The following NUP205 variants were observed in gnomAD, a reference collection of about 807,000 sequenced individuals.
NUP205 encodes the protein nuclear pore complex protein Nup205.
Under a neutral mutation model 253.8 loss-of-function variants are expected in NUP205, and 76 were observed. That is an observed-to-expected ratio of 0.30 (90% confidence interval 0.25 to 0.36). The LOEUF is 0.36. Among genes scored for constraint, NUP205 ranks in the 10% least tolerant of loss-of-function variants. The pLI is 1.00. For missense variants in NUP205, 2,162 were observed against 2,425.5 expected (o/e 0.89, Z 2.28); for synonymous variants, 832 against 850.1 (o/e 0.98, Z 0.37).
In NUP205 at chr7:135,622,867, G is replaced by A; in HGVS notation, c.4421G>A (p.Gly1474Asp). 6.2e-7 allele frequency: 1 copy of A among 1,614,130 alleles called. No homozygotes were observed. The highest frequency in any genetic ancestry group is 1.1e-5 in the South Asian group (1 of 91,076). ...AACATAGCCATTATTGAAAGTTATG[G>A]CGCCGCCCTCATGGAAGTGGTCTGT... Reference protein sequence around the residue: ...RENIAIIESYGAALMEVVCRD... With the variant: ...RENIAIIESYDAALMEVVCRD... The change falls in exon 31 of 43, where the codon GGC (glycine) becomes GAC (aspartate). Residue 1474 changes from glycine (G) to aspartate (D), a missense_variant. Physicochemically the swap from Gly to Asp is moderately conservative, Grantham distance 94. Around this residue, in one of 5 missense-constraint regions of NUP205, gnomAD observed 1,144 missense variants for 1,280.9 expected, o/e 0.89. Coordinates refer to ENST00000285968, the MANE Select transcript of NUP205 (RefSeq NM_015135.3).
chr7:135,618,860 T>G (rs536198461), intron 28 of NUP205, among the ~76,000 whole-genome samples: 20 of 152,268 alleles, frequency 1.3e-4, no homozygotes, highest in African/African-American at 3.6e-4. Context: ...CTGAATGTAG[T>G]GGTGAGACCA....
At chr7:135,629,529 C>CTCT (rs1794664991) in intron 34 of NUP205, among the ~76,000 whole-genome samples, 1 of 127,520 alleles carries the variant, frequency 7.8e-6, no homozygotes, top group African/African-American at 2.9e-5. Flanking sequence ...CTCTGTCTCT[C>CTCT]TTTTTTTTTT....
chr7:135,644,967 C>T lies in NUP205; in HGVS notation c.5632C>T (p.Arg1878Cys), dbSNP rs192502338. The change falls in exon 40 of 43, where the codon CGC becomes TGC. Residue 1878 changes from arginine to cysteine, a missense_variant. Transcript: ENST00000285968. ...TAQKYVLARR[R>C]LVKVINNRAK... ...TCAGAAATATGTTCTAGCAAGACGG[C>T]GCTTGGTGAAGGTGATCAACAATCG... The T allele has an allele frequency of 2.8e-5, 45 of 1,614,076 alleles. No homozygotes were observed. The highest frequency in any genetic ancestry group is 7.7e-5 in the South Asian group (7 of 91,078).
intron 8 of NUP205, among the ~76,000 whole-genome samples, chr7:135,585,624 G>T (rs1198424920): frequency 2.0e-5 from 3 of 151,718 alleles, no homozygotes; most frequent in African/African-American, 7.3e-5. Context: ...TGTGATCTTG[G>T]CTCACTGCAA....
At chr7:135,560,862 T>C (rs1408026039) in intron 1 of NUP205, among the ~76,000 whole-genome samples, 1 of 152,190 alleles carries the variant, frequency 6.6e-6, no homozygotes, top group Non-Finnish European at 1.5e-5. Flanking sequence ...GCATAGAGTT[T>C]CTGTTTTGCA....
chr7:135,648,262 A>G, intron 42 of NUP205, 142 bp from the exon 43 acceptor site: 1 of 639,696 alleles, frequency 1.6e-6, no homozygotes, highest in Non-Finnish European at 2.3e-6. Context: ...TTAATTTAGT[A>G]ACACATTACA....
intron 1 of NUP205, among the ~76,000 whole-genome samples, chr7:135,559,941 G>A (rs975052568): frequency 2.0e-5 from 3 of 150,316 alleles, no homozygotes; most frequent in Non-Finnish European, 4.4e-5. Context: ...TCACTGCAAC[G>A]TCCGCCTCCT....
At chr7:135,626,787 C>T (rs1764919401) in intron 33 of NUP205, among the ~76,000 whole-genome samples, 1 of 152,168 alleles carries the variant, frequency 6.6e-6, no homozygotes, top group African/African-American at 2.4e-5. Flanking sequence ...TTTCAAGTTT[C>T]AAGCTTTTCA....
At position 135,619,898 on chromosome 7, in the gene NUP205, G is replaced by A. The variant is rs201214950; in HGVS notation, c.4330+10G>A. On this transcript the variant is annotated intron_variant, in intron 30 of 42. Coordinates refer to ENST00000285968, the MANE Select transcript of NUP205 (RefSeq NM_015135.3). ...GACACCTTAGAAGCAGGTAGAATGA[G>A]ATCAATTCCTAATCTTTTCTGGATT... 1.6e-3 allele frequency: 2,398 copies of A among 1,521,498 alleles called. 2 individuals carry two copies. The highest frequency in any genetic ancestry group is 2.0e-3 in the Non-Finnish European group (2,261 of 1,104,748). The allele number at this position is 1,521,498 out of a possible 1,614,324, so 94.2% of individuals were successfully genotyped here.
chr7:135,577,845 T>C lies in NUP205; in HGVS notation c.698T>C (p.Phe233Ser), dbSNP rs924483324. 2 of 1,614,182 alleles carry C rather than the reference T, an allele frequency of 1.2e-6. No homozygotes were observed. The change falls in exon 6 of 43, where the codon TTT becomes TCT. Residue 233 changes from phenylalanine to serine, a missense_variant. By Grantham distance (155) the Phe-to-Ser change is radical. Around this residue, in one of 5 missense-constraint regions of NUP205, gnomAD observed 892 missense variants for 957.1 expected, o/e 0.93. Coordinates refer to ENST00000285968, the MANE Select transcript of NUP205 (RefSeq NM_015135.3). ...AGGCAGTCTCTTGCAGAAAGCCTTTTTGCCTGGGCTTGCCAGTCACCTTTA... is the reference window on the plus strand; with the variant it reads ...AGGCAGTCTCTTGCAGAAAGCCTTTCTGCCTGGGCTTGCCAGTCACCTTTA... ...ECRQSLAESL[F>S]AWACQSPLGK...
At chr7:135,563,686 T>C (rs1805660223) in intron 1 of NUP205, among the ~76,000 whole-genome samples, 1 of 152,130 alleles carries the variant, frequency 6.6e-6, no homozygotes, top group Non-Finnish European at 1.5e-5. Flanking sequence ...GAAAAATTTA[T>C]AGTGTCCCTT....
intron 22 of NUP205, among the ~76,000 whole-genome samples, chr7:135,613,320 C>A (rs1348677747): frequency 6.6e-6 from 1 of 151,360 alleles, no homozygotes; most frequent in African/African-American, 2.4e-5. Context: ...GCAACTTTTT[C>A]TTATATTTAA....
chr7:135,613,332 A>G (rs1480611588), intron 22 of NUP205, among the ~76,000 whole-genome samples: 1 of 151,584 alleles, frequency 6.6e-6, no homozygotes, highest in African/African-American at 2.4e-5. Flanking sequence ...TATATTTAAT[A>G]TAAGAACTTT....
At chr7:135,579,784 A>G (rs370310076) in intron 7 of NUP205, among the ~76,000 whole-genome samples, 1 of 152,012 alleles carries the variant, frequency 6.6e-6, no homozygotes, top group South Asian at 2.1e-4. Flanking sequence ...TAATTGGACT[A>G]CAGGCACACG....
chr7:135,637,865 C>G, intron 36 of NUP205, 66 bp from the exon 37 acceptor site: 2 of 1,450,046 alleles, frequency 1.4e-6, no homozygotes, highest in Non-Finnish European at 9.3e-7. Context: ...TTTCTTGTTT[C>G]TATCCCTCAA....
At position 135,597,416 on chromosome 7, in the gene NUP205, G is replaced by A. The variant is rs1202379585; in HGVS notation, c.2062G>A (p.Glu688Lys). The change falls in exon 14 of 43, where the codon GAG becomes AAG. Residue 688 changes from glutamate (E) to lysine (K), a missense_variant and splice_region_variant. Coordinates refer to ENST00000285968, the MANE Select transcript of NUP205 (RefSeq NM_015135.3). ...AAGCCAAAGGCAAGCTATTGGTATTGAGGTAAAGTTTTCCTTTTAGTTTAA... is the reference window on the plus strand; with the variant it reads ...AAGCCAAAGGCAAGCTATTGGTATTAAGGTAAAGTTTTCCTTTTAGTTTAA... ...IPSQRQAIGI[E>K]VELNEIESRC... 14 of 1,603,096 alleles carry A rather than the reference G, an allele frequency of 8.7e-6. No homozygotes were observed. The highest frequency in any genetic ancestry group is 1.2e-5 in the Non-Finnish European group (14 of 1,170,140).
chr7:135,591,468 G>A lies in NUP205; in HGVS notation c.1492G>A (p.Val498Ile). Residue 498 changes from valine (V) to isoleucine (I), a missense_variant, in exon 11 of 43, where the codon GTT becomes ATT. Transcript: ENST00000285968. Reference sequence around the variant, plus strand: ...TTTTCAGGTTGTCTTGTCAAAGTTTGTTAGGCAAATGGGTGACCTGTTGCC... The same window carrying A: ...TTTTCAGGTTGTCTTGTCAAAGTTTATTAGGCAAATGGGTGACCTGTTGCC... ...PQRQVVLSKF[V>I]RQMGDLLPPT... is the part of the protein sequence containing the mutation. 6.2e-7 allele frequency: 1 copy of A among 1,613,770 alleles called. No homozygotes were observed. Among genetic ancestry groups the A allele is most frequent in the Non-Finnish European group, 8.5e-7 (1 of 1,179,834 alleles).
chr7:135,604,595 G>C, intron 19 of NUP205, 135 bp downstream of exon 19: 1 of 857,054 alleles, frequency 1.2e-6, no homozygotes, highest in East Asian at 2.8e-5. Flanking sequence ...ATTTGTATAG[G>C]ATGGGTGAAA....
intron 6 of NUP205, 142 bp downstream of exon 6, chr7:135,578,166 A>G (rs556359817): frequency 1.7e-6 from 1 of 596,052 alleles, no homozygotes; most frequent in East Asian, 2.9e-5. Context: ...TTGAATATTT[A>G]TATATAAGAT....
Sources: allele counts gnomAD v4.1 joint callset (sites outside exome capture counted in the v4.1 genomes callset), GRCh38; gene constraint gnomAD v4.1.1; regional missense constraint gnomAD v4.1.1; transcripts MANE v1.5; gene names NCBI Gene and HGNC (gene_info 2026-07-23, HGNC 2026-07-21).